Variants in EPCAM observed in about 807,000 individuals in gnomAD.
The protein encoded by EPCAM is adenocarcinoma-associated antigen.
EPCAM carries 39 observed loss-of-function variants against 40.0 expected under a neutral mutation model. That is an observed-to-expected ratio of 0.98 (90% CI 0.76 to 1.27). The LOEUF (loss-of-function observed/expected upper bound fraction) is 1.27. Among genes scored for constraint, EPCAM ranks in the 50% most tolerant of loss-of-function variants. EPCAM has a pLI of 0.00. For synonymous variants in EPCAM, 168 were observed against 132.3 expected (o/e 1.27, Z -1.85); for missense variants, 503 against 381.2 (o/e 1.32, Z -2.66).
At position 47,379,977 on chromosome 2, in the gene EPCAM, C is replaced by G. The variant is rs775866056; in HGVS notation, c.858+8C>G. 2 of 1,605,962 alleles carry G rather than the reference C, an allele frequency of 1.2e-6. No individual in the cohort carries two copies. The highest frequency in any genetic ancestry group is 1.3e-5 in the African/African-American group (1 of 74,468). ...GCTGGAATTGTTGTGCTGGTGAGTA[C>G]AGAACAAGTAAAATTTCATTTAAGG... On this transcript the variant is annotated splice_region_variant and intron_variant, in intron 7 of 8. Transcript: ENST00000263735.
rs1671267232 is a variant in EPCAM at position 47,371,535 on chromosome 2, T to C, written c.77-1928T>C. On this transcript the variant is annotated intron_variant, in intron 1 of 8. Coordinates refer to ENST00000263735, the MANE Select transcript of EPCAM (RefSeq NM_002354.3). ...TGGAGTGGCCTAAATTCAGTAATTA[T>C]ACTCTCAAAGTAATGCAGTTTTAGT... Among the ~76,000 whole-genome samples the C allele has an allele frequency of 2.0e-5, 3 of 152,372 alleles. No individual in the cohort carries two copies. In the South Asian group the frequency reaches 6.2e-4, roughly 32 times the overall value.
At position 47,371,865 on chromosome 2, in the gene EPCAM, C is replaced by G. The variant is rs117978398; in HGVS notation, c.77-1598C>G. ...AACTTGAACAGGGAAAAATTGAAAT[C>G]AACTTAGGGTACTTGGGATACGAAG... On this transcript the variant is annotated intron_variant, in intron 1 of 8. Transcript: ENST00000263735. Among the ~76,000 whole-genome samples, 5 of 152,248 alleles carry G rather than the reference C, an allele frequency of 3.3e-5. No homozygotes were observed. The East Asian group carries it at 9.6e-4, about 29-fold the overall frequency.
At position 47,377,024 on chromosome 2, in the gene EPCAM, AAGG is replaced by A; in HGVS notation, c.505_507del (p.Glu169del). The A allele has an allele frequency of 1.2e-6, 2 of 1,608,456 alleles. No individual in the cohort carries two copies. Among genetic ancestry groups the A allele is most frequent in the Non-Finnish European group, 1.7e-6 (2 of 1,174,866 alleles). ...TTAAATTCTTTACAGTGCACTTCAG[AAGG>A]AGATCACAACGCGTTATCAACTGGA... On this transcript the variant is annotated inframe_deletion, in exon 5 of 9. Transcript: ENST00000263735.
chr2:47,384,700 C>G (rs1010506336), intron 7 of EPCAM, among the ~76,000 whole-genome samples: 1 of 151,588 alleles, frequency 6.6e-6, no homozygotes, highest in Non-Finnish European at 1.5e-5. Flanking sequence ...AGCCACCACG[C>G]CCAGCCCACC....
intron 7 of EPCAM, 80 bp from the exon 8 acceptor site, chr2:47,385,086 A>G (rs1671707590): frequency 5.7e-6 from 6 of 1,055,758 alleles, no homozygotes; most frequent in African/African-American, 1.6e-5. Context: ...AATTATGTCC[A>G]TTAAAAGCAT....
chr2:47,379,862 T>C lies in EPCAM; in HGVS notation c.751T>C (p.Tyr251His), dbSNP rs1250586817. ...DLDPGQTLIY[Y>H]VDEKAPEFSM... is the part of the protein sequence containing the mutation. Reference sequence around the variant, plus strand: ...GGATCCTGGTCAAACTTTAATTTATTATGTTGATGAAAAAGCACCTGAATT... The same window carrying C: ...GGATCCTGGTCAAACTTTAATTTATCATGTTGATGAAAAAGCACCTGAATT... The change falls in exon 7 of 9, where the codon TAT (tyrosine) becomes CAT (histidine). Residue 251 changes from tyrosine (Y) to histidine (H), a missense_variant. Tyr to His is a moderately conservative substitution (Grantham distance 83, BLOSUM62 2). Transcript: ENST00000263735. 6.2e-7 allele frequency: 1 copy of C among 1,614,148 alleles called. No homozygotes were observed. Among genetic ancestry groups the C allele is most frequent in the African/African-American group, 1.3e-5 (1 of 75,040 alleles).
At position 47,379,206 on chromosome 2, in the gene EPCAM, A is replaced by G. The variant is rs563916344; in HGVS notation, c.657+152A>G. On this transcript the variant is annotated intron_variant, in intron 6 of 8. Coordinates refer to ENST00000263735, the MANE Select transcript of EPCAM (RefSeq NM_002354.3). ...TTTGTCCTCCCTGTCACTCACATGCATCTTGCTTGTTTGTATATTTATGCC... is the reference window on the plus strand; with the variant it reads ...TTTGTCCTCCCTGTCACTCACATGCGTCTTGCTTGTTTGTATATTTATGCC... The G allele has an allele frequency of 5.0e-5, 32 of 644,842 alleles. No homozygotes were observed. The South Asian group carries it at 5.1e-4, about 10-fold the overall frequency. The allele number at this position is 644,842 out of a possible 1,614,324, so 39.9% of individuals were successfully genotyped here. A position where few individuals can be genotyped will look rare whatever the true frequency, so the allele number is the denominator to read the frequency against.
In EPCAM at chr2:47,373,799, C is replaced by CT. The variant is rs752816637; in HGVS notation, c.185-4dup. On this transcript the variant is annotated splice_polypyrimidine_tract_variant and intron_variant, in intron 2 of 8. Coordinates refer to ENST00000263735, the MANE Select transcript of EPCAM (RefSeq NM_002354.3). ...ATTTTTCAGTTTGGCATTAAGGTTT[C>CT]TTTTTCAGTGGCTGCCAAATGTTTG... 6 of 1,613,564 alleles carry CT rather than the reference C, an allele frequency of 3.7e-6. No homozygotes were observed. The African/African-American group carries it at 8.0e-5, about 22-fold the overall frequency.
At chr2:47,374,563 T>C (rs893728135) in intron 3 of EPCAM, among the ~76,000 whole-genome samples, 1 of 152,178 alleles carries the variant, frequency 6.6e-6, no homozygotes, top group Non-Finnish European at 1.5e-5. Flanking sequence ...GTGGGCACTT[T>C]GTTTTTCTGT....
chr2:47,373,416 G>A (rs1414784448), intron 1 of EPCAM, 47 bp from the exon 2 acceptor site: 1 of 1,188,922 alleles, frequency 8.4e-7, no homozygotes, highest in Admixed American at 1.8e-5. Context: ...GGACATGAGA[G>A]TTAATAGATC....
Position 47,369,425 on chromosome 2 carries a change from T to G in EPCAM, c.-81T>G, listed in dbSNP as rs1177898152. On this transcript the variant is annotated 5_prime_UTR_variant, in exon 1 of 9. Coordinates refer to ENST00000263735, the MANE Select transcript of EPCAM (RefSeq NM_002354.3). ...CCAGGCCTCGCGCTGCCCGGCCGGC[T>G]CCTCGTGTCCCACTCCCGGCGCACG... 2.3e-6 allele frequency: 3 copies of G among 1,291,810 alleles called. No individual in the cohort carries two copies. Among genetic ancestry groups the G allele is most frequent in the Non-Finnish European group, 3.0e-6 (3 of 1,000,598 alleles). The allele number at this position is 1,291,810 out of a possible 1,614,324, so 80.0% of individuals were successfully genotyped here. A position where few individuals can be genotyped will look rare whatever the true frequency, so the allele number is the denominator to read the frequency against.
At chr2:47,375,389 T>C (rs1433529084) in intron 4 of EPCAM, 90 bp downstream of exon 4, 1 of 838,022 alleles carries the variant, frequency 1.2e-6, no homozygotes, top group African/African-American at 1.7e-5. Context: ...TCTAAATGCT[T>C]TTTTATATTT....
Position 47,377,036 on chromosome 2 carries a change from A to G in EPCAM, c.514A>G (p.Thr172Ala), listed in dbSNP as rs754496546. The change falls in exon 5 of 9, where the codon ACG (threonine) becomes GCG (alanine). Residue 172 changes from threonine to alanine, a missense_variant. Coordinates refer to ENST00000263735, the MANE Select transcript of EPCAM (RefSeq NM_002354.3). ...LRTALQKEIT[T>A]RYQLDPKFIT... ...CAGTGCACTTCAGAAGGAGATCACAACGCGTTATCAACTGGATCCAAAATT... is the reference window on the plus strand; with the variant it reads ...CAGTGCACTTCAGAAGGAGATCACAGCGCGTTATCAACTGGATCCAAAATT... 29 of 1,611,296 alleles carry G rather than the reference A, an allele frequency of 1.8e-5. No individual in the cohort carries two copies. Among genetic ancestry groups the G allele is most frequent in the Non-Finnish European group, 2.4e-5 (28 of 1,177,576 alleles).
Position 47,379,124 on chromosome 2 carries a change from T to C in EPCAM, c.657+70T>C. The C allele has an allele frequency of 6.8e-6, 6 of 881,258 alleles. No individual in the cohort carries two copies. In the South Asian group the frequency reaches 8.0e-5, roughly 12 times the overall value. The allele number at this position is 881,258 out of a possible 1,614,324, so 54.6% of individuals were successfully genotyped here. ...TCATGCCTCAATGAATTAAATATAT[T>C]TCATCACCTTTTTATCCACTTACAG... is the stretch of plus-strand genomic sequence containing the variant. On this transcript the variant is annotated intron_variant, in intron 6 of 8. Transcript: ENST00000263735.
intron 1 of EPCAM, among the ~76,000 whole-genome samples, chr2:47,372,483 G>GA (rs571833620): frequency 4.0e-5 from 6 of 150,728 alleles, no homozygotes; most frequent in South Asian, 4.2e-4. Context: ...ACTAAAAATA[G>GA]AAAAAAAAAG....
intron 1 of EPCAM, among the ~76,000 whole-genome samples, chr2:47,372,852 A>G (rs1015435427): frequency 1.3e-5 from 2 of 152,090 alleles, no homozygotes; most frequent in Non-Finnish European, 2.9e-5. Context: ...TAAGACTGGG[A>G]GTTTCACAAA....
chr2:47,374,127 T>G, intron 3 of EPCAM, 79 bp downstream of exon 3: 1 of 1,513,204 alleles, frequency 6.6e-7, no homozygotes, highest in South Asian at 1.2e-5. Context: ...TTATGTAATA[T>G]GATTTCATGG....
chr2:47,383,917 G>T (rs923636515), intron 7 of EPCAM, among the ~76,000 whole-genome samples: 1 of 151,746 alleles, frequency 6.6e-6, no homozygotes, highest in African/African-American at 2.4e-5. Flanking sequence ...GATTATAGGC[G>T]TGAACCACCA....
chr2:47,386,611 T>C lies in EPCAM; in HGVS notation c.943T>C (p.Ter315GlnextTer12), dbSNP rs1223605016. ...MGEMHRELNA* is the reference protein window; with the variant it reads ...MGEMHRELNAQ ...TGAGATGCATAGGGAACTCAATGCA[T>C]AACTATATAATTTGAAGATTATAGA... is the stretch of plus-strand genomic sequence containing the variant. Residue 315 changes from the stop codon to glutamine, a stop_lost, in exon 9 of 9, where the codon TAA (stop) becomes CAA (glutamine). Transcript: ENST00000263735. The C allele has an allele frequency of 1.9e-6, 3 of 1,600,990 alleles. No homozygotes were observed. Among genetic ancestry groups the C allele is most frequent in the Non-Finnish European group, 1.7e-6 (2 of 1,169,040 alleles).
Sources: allele counts gnomAD v4.1 joint callset (sites outside exome capture counted in the v4.1 genomes callset), GRCh38; gene constraint gnomAD v4.1.1; transcripts MANE v1.5; gene names NCBI Gene and HGNC (gene_info 2026-07-23, HGNC 2026-07-21).